Variants in SLC2A13 observed in about 807,000 individuals in gnomAD.
The protein encoded by SLC2A13 is solute carrier family 2 member 13.
In SLC2A13, 32 loss-of-function variants were observed where a neutral mutation model predicts 64.4. That is an observed-to-expected ratio of 0.50 (90% CI 0.37 to 0.67). The LOEUF (loss-of-function observed/expected upper bound fraction) is 0.67, where lower values mean the gene tolerates loss of function less well. Ranked by LOEUF, SLC2A13 falls within the 30% of genes least tolerant of loss-of-function variation. The probability of loss-of-function intolerance (pLI) is 0.00; values close to 1 mark genes in which losing one functional copy is unlikely to be tolerated. For synonymous variants in SLC2A13, 338 were observed against 327.1 expected, an observed-to-expected ratio of 1.03 and a Z score of -0.36; for missense variants, 743 against 829.2, an observed-to-expected ratio of 0.90 and a Z score of 1.28.
chr12:39,831,310 T>C lies in SLC2A13; in HGVS notation c.1320-1082A>G, dbSNP rs567027558. Among the ~76,000 whole-genome samples, 15 of 152,244 alleles carry C rather than the reference T, an allele frequency of 9.9e-5. 1 individual carries two copies. Among genetic ancestry groups the C allele is most frequent in the Non-Finnish European group, 1.8e-4 (12 of 68,004 alleles). On this transcript the variant is annotated intron_variant, in intron 6 of 9. Transcript: ENST00000280871. ...TTGAAACCGAATCATAAAATAAATT[T>C]ACCAGGCCAAGAGGTAGAGCAAAGG...
intron 4 of SLC2A13, among the ~76,000 whole-genome samples, chr12:39,911,434 A>G (rs1286976909): frequency 6.6e-6 from 1 of 151,986 alleles, no homozygotes; most frequent in African/African-American, 2.4e-5. Context: ...GGATACTGTA[A>G]TCTCATCCTG....
intron 1 of SLC2A13, among the ~76,000 whole-genome samples, chr12:40,100,311 C>A (rs891582612): frequency 6.6e-6 from 1 of 152,134 alleles, no homozygotes; most frequent in South Asian, 2.1e-4. Flanking sequence ...ATACTGGTGA[C>A]TATCAAATTT....
intron 6 of SLC2A13, among the ~76,000 whole-genome samples, chr12:39,839,604 G>A (rs1243208981): frequency 6.6e-6 from 1 of 151,898 alleles, no homozygotes; most frequent in African/African-American, 2.4e-5. Context: ...CATCCCTTGT[G>A]CTGCTTGACA....
At chr12:39,978,385 T>A (rs1338057365) in intron 3 of SLC2A13, among the ~76,000 whole-genome samples, 2 of 151,868 alleles carry the variant, frequency 1.3e-5, no homozygotes, top group African/African-American at 4.8e-5. Context: ...AGAAGACGGG[T>A]GATTTCTGCA....
chr12:39,841,472 C>G (rs529121957), intron 6 of SLC2A13, among the ~76,000 whole-genome samples: 133 of 152,156 alleles, frequency 8.7e-4, no homozygotes, highest in African/African-American at 3.1e-3. Context: ...TTTTCTGTTA[C>G]ACTGAATGAA....
At chr12:39,783,021 T>TC (rs1470156741) in intron 7 of SLC2A13, among the ~76,000 whole-genome samples, 1 of 151,872 alleles carries the variant, frequency 6.6e-6, no homozygotes, top group East Asian at 1.9e-4. Context: ...CCCTCCCCGC[T>TC]CCCCCCACCC....
At chr12:39,899,599 C>A (rs2136012004) in intron 4 of SLC2A13, among the ~76,000 whole-genome samples, 1 of 152,168 alleles carries the variant, frequency 6.6e-6, no homozygotes, top group South Asian at 2.1e-4. Context: ...ATCTTTCCTG[C>A]TTTCTCTTGT....
intron 4 of SLC2A13, among the ~76,000 whole-genome samples, chr12:39,929,639 A>C (rs900567289): frequency 6.6e-6 from 1 of 152,154 alleles, no homozygotes; most frequent in Non-Finnish European, 1.5e-5. Flanking sequence ...GCTGTCCCTC[A>C]GGGGGCAACC....
chr12:39,781,045 A>G (rs1940963867), intron 7 of SLC2A13, among the ~76,000 whole-genome samples: 1 of 152,234 alleles, frequency 6.6e-6, no homozygotes, highest in South Asian at 2.1e-4. Flanking sequence ...TTACTGCTAA[A>G]GTGAAAACAT....
intron 4 of SLC2A13, among the ~76,000 whole-genome samples, chr12:39,941,562 A>G (rs1946026219): frequency 1.3e-5 from 2 of 152,082 alleles, no homozygotes; most frequent in Admixed American, 6.6e-5. Context: ...GGCCATTTCT[A>G]TATATCCTGT....
At chr12:39,780,375 A>G (rs568172596) in intron 7 of SLC2A13, among the ~76,000 whole-genome samples, 1 of 152,306 alleles carries the variant, frequency 6.6e-6, no homozygotes, top group Non-Finnish European at 1.5e-5. Context: ...GAATGGAAAA[A>G]GAGATGAAAT....
chr12:40,068,431 C>T (rs1419397448), intron 1 of SLC2A13: 3 of 243,264 alleles, frequency 1.2e-5, no homozygotes, highest in Admixed American at 5.2e-5. Flanking sequence ...TTCCTCAAAG[C>T]TGGGCACTTG....
intron 3 of SLC2A13, among the ~76,000 whole-genome samples, chr12:40,024,528 C>T (rs539748212): frequency 1.3e-5 from 2 of 152,320 alleles, no homozygotes; most frequent in African/African-American, 4.8e-5. Flanking sequence ...TCCTAACCAT[C>T]CCATGTAAAG....
chr12:39,898,489 G>C (rs1944988403), intron 4 of SLC2A13, among the ~76,000 whole-genome samples: 1 of 120,472 alleles, frequency 8.3e-6, no homozygotes, highest in South Asian at 2.6e-4. Flanking sequence ...TAGTTCTATA[G>C]TAGCCACGCT....
chr12:39,873,430 T>C (rs923889810), intron 4 of SLC2A13, among the ~76,000 whole-genome samples: 6 of 152,206 alleles, frequency 3.9e-5, no homozygotes, highest in Non-Finnish European at 8.8e-5. Context: ...AAGACCTGTA[T>C]GGCAATGTCA....
chr12:39,978,865 G>A (rs1241114116), intron 3 of SLC2A13, among the ~76,000 whole-genome samples: 22 of 151,212 alleles, frequency 1.5e-4, no homozygotes, highest in South Asian at 2.1e-4. Flanking sequence ...CCACCTCTGG[G>A]GGCAGGGCAC....
chr12:39,849,048 G>A (rs769427767), intron 6 of SLC2A13, among the ~76,000 whole-genome samples: 3 of 151,886 alleles, frequency 2.0e-5, no homozygotes, highest in Non-Finnish European at 4.4e-5. Context: ...GGAGGGAGAG[G>A]AACAAAAAAG....
At chr12:40,095,302 G>A (rs966962136) in intron 1 of SLC2A13, among the ~76,000 whole-genome samples, 23 of 152,180 alleles carry the variant, frequency 1.5e-4, no homozygotes, top group African/African-American at 5.5e-4. Context: ...ACAAAAATCT[G>A]CGTGAAGTAA....
At chr12:39,762,134 G>T (rs1368808742) in intron 9 of SLC2A13, among the ~76,000 whole-genome samples, 1 of 152,044 alleles carries the variant, frequency 6.6e-6, no homozygotes. Context: ...CTCAGTGTGG[G>T]TTCCAATGGT....
Sources: allele counts gnomAD v4.1 joint callset (sites outside exome capture counted in the v4.1 genomes callset), GRCh38; gene constraint gnomAD v4.1.1; transcripts MANE v1.5; gene names NCBI Gene and HGNC (gene_info 2026-07-23, HGNC 2026-07-21).